Variants in CLCA1 observed in about 807,000 individuals in gnomAD.
The protein encoded by CLCA1 is calcium-activated chloride channel regulator 1.
Under a neutral mutation model 85.6 loss-of-function variants are expected in CLCA1, and 59 were observed. That is an observed-to-expected ratio of 0.69 (90% confidence interval 0.56 to 0.86). CLCA1 has a LOEUF of 0.86. CLCA1 is among the 40% of genes least tolerant of loss of function. The pLI is 0.00. For synonymous variants in CLCA1, 396 were observed against 398.3 expected, an observed-to-expected ratio of 0.99 and a Z score of 0.07; for missense variants, 1,022 against 1,101.4, an observed-to-expected ratio of 0.93 and a Z score of 1.02.
At chr1:86,486,806 A>G in intron 7 of CLCA1, 53 bp downstream of exon 7, 1 of 1,517,092 alleles carries the variant, frequency 6.6e-7, no homozygotes, top group East Asian at 2.3e-5. Context: ...TATGTTGCTT[A>G]ACAAACTTCC....
chr1:86,489,626 AG>A (rs1648081604), intron 8 of CLCA1, among the ~76,000 whole-genome samples: 1 of 152,218 alleles, frequency 6.6e-6, no homozygotes, highest in African/African-American at 2.4e-5. Context: ...GGAAGAGCAA[AG>A]GGCATGTTAA....
At position 86,499,633 on chromosome 1, in the gene CLCA1, AT is replaced by A; in HGVS notation, c.2354-19del. 7 of 1,465,126 alleles carry A rather than the reference AT, an allele frequency of 4.8e-6. No homozygotes were observed. Among genetic ancestry groups the A allele is most frequent in the Non-Finnish European group, 5.6e-6 (6 of 1,076,734 alleles). The allele number at this position is 1,465,126 out of a possible 1,614,324, so 90.8% of individuals were successfully genotyped here. Reference sequence around the variant, plus strand: ...TTTAATATTTCAGAATTAAAGTCACATTCTTCTTTTTTCTTTTTAGCTCACA... The same window carrying A: ...TTTAATATTTCAGAATTAAAGTCACATCTTCTTTTTTCTTTTTAGCTCACA... On this transcript the variant is annotated intron_variant, in intron 13 of 13. Transcript: ENST00000394711.
rs1411519910 is a variant in CLCA1 at position 86,471,450 on chromosome 1, A to G, written c.163-1967A>G. 5.3e-5 allele frequency among the ~76,000 whole-genome samples: 8 copies of G among 152,202 alleles called. No homozygotes were observed. The East Asian group carries it at 7.7e-4, about 15-fold the overall frequency. On this transcript the variant is annotated intron_variant, in intron 1 of 13. Coordinates refer to ENST00000394711, the MANE Select transcript of CLCA1 (RefSeq NM_001285.4). Reference sequence around the variant, plus strand: ...TAAATATGTATTAGGATATGAGGTCATTTTCTGAAAATCTGAAACAGATGC... The same window carrying G: ...TAAATATGTATTAGGATATGAGGTCGTTTTCTGAAAATCTGAAACAGATGC...
intron 8 of CLCA1, among the ~76,000 whole-genome samples, chr1:86,490,635 C>T (rs1648108412): frequency 6.6e-6 from 1 of 152,050 alleles, no homozygotes; most frequent in African/African-American, 2.4e-5. Flanking sequence ...AGTGCAGGAC[C>T]TTTAATATGT....
At position 86,482,212 on chromosome 1, in the gene CLCA1, G is replaced by T; in HGVS notation, c.565G>T (p.Ala189Ser). ...ACCTTCCTATATTTTCAGATGTTCA[G>T]CAGGTATTACTGGTACAAATGTAGT... ...NGRIQAVRCS[A>S]GITGTNVVKK... The change falls in exon 5 of 14, where the codon GCA (alanine) becomes TCA (serine). Residue 189 changes from alanine (A) to serine (S), a missense_variant. By Grantham distance (99) the Ala-to-Ser change is moderately conservative. Coordinates refer to ENST00000394711, the MANE Select transcript of CLCA1 (RefSeq NM_001285.4). 6 of 1,612,852 alleles carry T rather than the reference G, an allele frequency of 3.7e-6. No individual in the cohort carries two copies. The highest frequency in any genetic ancestry group is 5.1e-6 in the Non-Finnish European group (6 of 1,179,058).
rs533282860 is a variant in CLCA1, at chr1:86,474,371, A to G, written c.451+495A>G. Among the ~76,000 whole-genome samples the G allele has an allele frequency of 1.1e-4, 17 of 152,236 alleles. No individual in the cohort carries two copies. The South Asian group carries it at 1.5e-3, about 13-fold the overall frequency. On this transcript the variant is annotated intron_variant, in intron 3 of 13. Coordinates refer to ENST00000394711, the MANE Select transcript of CLCA1 (RefSeq NM_001285.4). Reference sequence around the variant, plus strand: ...AGATCAAGACCATCCTGGCTAACACAGTGAAACCCCGTCTCTACTAAAAAT... The same window carrying G: ...AGATCAAGACCATCCTGGCTAACACGGTGAAACCCCGTCTCTACTAAAAAT...
In CLCA1 at chr1:86,486,744, G is replaced by A. The variant is rs765908821; in HGVS notation, c.1173G>A (p.Ser391=). 60 of 1,613,832 alleles carry A rather than the reference G, an allele frequency of 3.7e-5. No individual in the cohort carries two copies. Among genetic ancestry groups the A allele is most frequent in the Middle Eastern group, 3.3e-4 (2 of 6,082 alleles). Residue 391 remains serine (S), a synonymous_variant, in exon 7 of 14, where the codon TCG becomes TCA. Transcript: ENST00000394711. ...CGTCCATCTGCAGCGGGCTTCGATC[G>A]GCATTTACTGTGAGATGTGTTTTTC... is the stretch of plus-strand genomic sequence containing the variant. The part of the protein sequence containing the change: ...GGTSICSGLR[S]AFTVIRKKYP...
intron 4 of CLCA1, among the ~76,000 whole-genome samples, chr1:86,479,249 A>G (rs1411216159): frequency 6.6e-6 from 1 of 152,270 alleles, no homozygotes; most frequent in East Asian, 1.9e-4. Context: ...AAAATATAAT[A>G]GAACAATACT....
chr1:86,494,337 T>C lies in CLCA1; in HGVS notation c.1831T>C (p.Tyr611His). 1.2e-6 allele frequency: 2 copies of C among 1,614,176 alleles called. No individual in the cohort carries two copies. Among genetic ancestry groups the C allele is most frequent in the Non-Finnish European group, 1.7e-6 (2 of 1,180,022 alleles). Residue 611 changes from tyrosine to histidine, a missense_variant, in exon 11 of 14, where the codon TAT becomes CAT. Coordinates refer to ENST00000394711, the MANE Select transcript of CLCA1 (RefSeq NM_001285.4). Reference sequence around the variant, plus strand: ...CAAATTCCCCAGCCCTCTGGTAGTTTATGCAAATATTCGCCAAGGAGCCTC... The same window carrying C: ...CAAATTCCCCAGCCCTCTGGTAGTTCATGCAAATATTCGCCAAGGAGCCTC... ...TSKFPSPLVV[Y>H]ANIRQGASPI...
At chr1:86,477,490 C>T (rs1239431592) in intron 4 of CLCA1, among the ~76,000 whole-genome samples, 1 of 152,156 alleles carries the variant, frequency 6.6e-6, no homozygotes, top group African/African-American at 2.4e-5. Flanking sequence ...TCTCAGTGCA[C>T]AAAAACTGCT....
At position 86,500,057 on chromosome 1, in the gene CLCA1, T is replaced by C. The variant is rs554622493; in HGVS notation, c.*12T>C. The C allele has an allele frequency of 1.8e-5, 27 of 1,541,692 alleles. No individual in the cohort carries two copies. In the South Asian group the frequency reaches 2.9e-4, roughly 16 times the overall value. ...TGTCAATAGCCTAGGGCTGAATTTT[T>C]GTCAGATAAATAAAATAAATCATTC... On this transcript the variant is annotated 3_prime_UTR_variant, in exon 14 of 14. Transcript: ENST00000394711.
chr1:86,486,628 G>A lies in CLCA1; in HGVS notation c.1057G>A (p.Ala353Thr). Residue 353 changes from alanine (A) to threonine (T), a missense_variant, in exon 7 of 14, where the codon GCC (alanine) becomes ACC (threonine). Physicochemically the swap from Ala to Thr is moderately conservative, Grantham distance 58. Transcript: ENST00000394711. ...TGGGATGGTGACATTTGACAGTGCTGCCCATGTACAAAATGAACTCATACA... is the reference window on the plus strand; with the variant it reads ...TGGGATGGTGACATTTGACAGTGCTACCCATGTACAAAATGAACTCATACA... Reference protein sequence around the residue: ...WVGMVTFDSAAHVQNELIQIN... With the variant: ...WVGMVTFDSATHVQNELIQIN... The A allele has an allele frequency of 6.2e-7, 1 of 1,614,142 alleles. No individual in the cohort carries two copies. Among genetic ancestry groups the A allele is most frequent in the Non-Finnish European group, 8.5e-7 (1 of 1,180,016 alleles).
chr1:86,471,539 C>T (rs911750541), intron 1 of CLCA1, among the ~76,000 whole-genome samples: 10 of 152,238 alleles, frequency 6.6e-5, no homozygotes, highest in African/African-American at 2.4e-4. Flanking sequence ...TTTCATGGTA[C>T]TTATTCTTCC....
At chr1:86,494,100 CA>C in intron 10 of CLCA1, 86 bp from the exon 11 acceptor site, 5 of 1,449,148 alleles carry the variant, frequency 3.5e-6, no homozygotes, top group Non-Finnish European at 4.8e-6. Context: ...ATGCTTATAT[CA>C]GAGGGTTTTC....
intron 1 of CLCA1, among the ~76,000 whole-genome samples, chr1:86,472,833 T>C (rs1009989952): frequency 3.3e-5 from 5 of 152,246 alleles, no homozygotes; most frequent in Non-Finnish European, 5.9e-5. Flanking sequence ...ACATTTAATT[T>C]GACTTAGTAT....
chr1:86,499,580 T>C, intron 13 of CLCA1, 74 bp from the exon 14 acceptor site: 1 of 975,066 alleles, frequency 1.0e-6, no homozygotes, highest in Non-Finnish European at 1.5e-6. Context: ...TTAAATATTT[T>C]TTAAAGCTCT....
intron 11 of CLCA1, among the ~76,000 whole-genome samples, chr1:86,494,937 T>C (rs1200529714): frequency 6.6e-6 from 1 of 152,114 alleles, no homozygotes; most frequent in Admixed American, 6.5e-5. Context: ...CCTGTATCTA[T>C]GCAGACTCTA....
At chr1:86,488,854 A>G in intron 7 of CLCA1, 142 bp from the exon 8 acceptor site, 1 of 647,438 alleles carries the variant, frequency 1.5e-6, no homozygotes. Flanking sequence ...TATCATTTCA[A>G]GACAGACAGA....
chr1:86,484,161 A>C (rs1291067489), intron 5 of CLCA1, among the ~76,000 whole-genome samples: 1 of 152,210 alleles, frequency 6.6e-6, no homozygotes, highest in Non-Finnish European at 1.5e-5. Context: ...TGGGTGGGAC[A>C]CAGAGCCAAA....
Sources: allele counts gnomAD v4.1 joint callset (sites outside exome capture counted in the v4.1 genomes callset), GRCh38; gene constraint gnomAD v4.1.1; transcripts MANE v1.5; gene names NCBI Gene and HGNC (gene_info 2026-07-23, HGNC 2026-07-21).